The following EDNRA variants were observed in gnomAD, a reference collection of about 807,000 sequenced individuals.
EDNRA encodes the protein endothelin receptor type A.
Under a neutral mutation model 41.4 loss-of-function variants are expected in EDNRA, and 11 were observed. The ratio of observed to expected loss-of-function variants is 0.27; its 90% CI spans 0.17 to 0.44. The LOEUF (loss-of-function observed/expected upper bound fraction) is 0.44. Among genes scored for constraint, EDNRA ranks in the 20% least tolerant of loss-of-function variants. The pLI is 1.00. For missense variants in EDNRA, 294 were observed against 531.0 expected, an observed-to-expected ratio of 0.55 and a Z score of 4.39; for synonymous variants, 172 against 183.0, an observed-to-expected ratio of 0.94 and a Z score of 0.49.
intron 2 of EDNRA, among the ~76,000 whole-genome samples, chr4:147,509,996 T>C (rs1478177521): frequency 6.6e-6 from 1 of 152,050 alleles, no homozygotes; most frequent in East Asian, 1.9e-4. Flanking sequence ...ACCAAAAAGG[T>C]TGGGGACCGC....
At chr4:147,518,400 G>C (rs950592247) in intron 2 of EDNRA, among the ~76,000 whole-genome samples, 3 of 152,158 alleles carry the variant, frequency 2.0e-5, no homozygotes, top group Non-Finnish European at 4.4e-5. Context: ...GACACCAATC[G>C]AGACTGTTTA....
chr4:147,505,577 G>A (rs1335288050), intron 2 of EDNRA, among the ~76,000 whole-genome samples: 6 of 150,516 alleles, frequency 4.0e-5, no homozygotes, highest in Non-Finnish European at 7.4e-5. Context: ...CCAGGCCTCA[G>A]GCGATCCACC....
chr4:147,489,970 A>C (rs1199542394), intron 2 of EDNRA: 1 of 152,140 alleles, frequency 6.6e-6, no homozygotes, highest in African/African-American at 2.4e-5. Context: ...CAAGGAACAT[A>C]CTTTGCCCTA....
chr4:147,525,064 TA>T (rs2126459352), intron 3 of EDNRA, among the ~76,000 whole-genome samples: 1 of 152,310 alleles, frequency 6.6e-6, no homozygotes, highest in South Asian at 2.1e-4. Context: ...CACAGTATTT[TA>T]AAAACATAAT....
intron 2 of EDNRA, among the ~76,000 whole-genome samples, chr4:147,487,614 T>C (rs900584536): frequency 6.6e-6 from 1 of 152,208 alleles, no homozygotes; most frequent in Non-Finnish European, 1.5e-5. Flanking sequence ...ATAAGTACAC[T>C]TAAGCTGTGG....
chr4:147,501,225 G>A (rs1041600225), intron 2 of EDNRA, among the ~76,000 whole-genome samples: 5 of 152,166 alleles, frequency 3.3e-5, no homozygotes, highest in African/African-American at 1.2e-4. Flanking sequence ...AAGTGCCTGA[G>A]GGCTCAATAT....
chr4:147,537,995 T>C (rs972392492), intron 5 of EDNRA, among the ~76,000 whole-genome samples: 2 of 152,132 alleles, frequency 1.3e-5, no homozygotes, highest in Admixed American at 6.5e-5. Context: ...GTCTCTAATT[T>C]CTCCTCATCA....
intron 7 of EDNRA, among the ~76,000 whole-genome samples, chr4:147,542,214 C>CTCT (rs751255600): frequency 1.3e-5 from 2 of 152,194 alleles, no homozygotes; most frequent in East Asian, 3.8e-4. Flanking sequence ...AGAGCCCTTC[C>CTCT]TCTCACCTAC....
Position 147,519,533 on chromosome 4 carries a change from C to G in EDNRA, c.421-318C>G, listed in dbSNP as rs1354609112. 1.3e-5 allele frequency among the ~76,000 whole-genome samples: 2 copies of G among 148,786 alleles called. No homozygotes were observed. Among genetic ancestry groups the G allele is most frequent in the East Asian group, 3.9e-4 (2 of 5,158 alleles). On this transcript the variant is annotated intron_variant, in intron 2 of 7. Coordinates refer to ENST00000651419, the MANE Select transcript of EDNRA (RefSeq NM_001957.4). The surrounding 1 kb of genome is among the most constrained non-coding windows in gnomAD (Gnocchi z 4.1). ...TCTGTTATTAAATTGTATTATATAACTATAATATATTTAATATATATGTAT... is the reference window on the plus strand; with the variant it reads ...TCTGTTATTAAATTGTATTATATAAGTATAATATATTTAATATATATGTAT...
intron 2 of EDNRA, among the ~76,000 whole-genome samples, chr4:147,510,210 T>C (rs1437541576): frequency 6.6e-6 from 1 of 152,170 alleles, no homozygotes; most frequent in Non-Finnish European, 1.5e-5. Context: ...AATAGAACAC[T>C]GGTCCTAATC....
chr4:147,483,746 G>T (rs1404957185), intron 1 of EDNRA, among the ~76,000 whole-genome samples: 1 of 148,158 alleles, frequency 6.7e-6, no homozygotes, highest in African/African-American at 2.5e-5. Context: ...TTGAGACAGG[G>T]TCTCACTCTG....
intron 2 of EDNRA, among the ~76,000 whole-genome samples, chr4:147,496,612 C>T (rs1328784165): frequency 3.9e-5 from 6 of 152,218 alleles, no homozygotes; most frequent in Non-Finnish European, 8.8e-5. Flanking sequence ...AAGCCACTCA[C>T]TTTCCTGACT....
intron 7 of EDNRA, 26 bp from the exon 8 acceptor site, chr4:147,542,452 T>A: frequency 1.2e-6 from 2 of 1,613,776 alleles, no homozygotes. Flanking sequence ...AGGCTCGCCT[T>A]ACTTCGAGTC....
intron 2 of EDNRA, among the ~76,000 whole-genome samples, chr4:147,517,723 C>T (rs1730164385): frequency 6.6e-6 from 1 of 152,184 alleles, no homozygotes; most frequent in African/African-American, 2.4e-5. Flanking sequence ...AAGACAATTC[C>T]ATGATCTTTT....
At chr4:147,517,447 G>A (rs1730153424) in intron 2 of EDNRA, among the ~76,000 whole-genome samples, 1 of 152,192 alleles carries the variant, frequency 6.6e-6, no homozygotes, top group Non-Finnish European at 1.5e-5. Flanking sequence ...CATGGAACCA[G>A]AGAGGAAAAG....
intron 2 of EDNRA, among the ~76,000 whole-genome samples, chr4:147,509,919 C>T (rs1012309331): frequency 1.3e-5 from 2 of 151,916 alleles, no homozygotes; most frequent in Non-Finnish European, 2.9e-5. Context: ...TTGAGTCATC[C>T]CAAAACCATC....
intron 3 of EDNRA, among the ~76,000 whole-genome samples, chr4:147,532,009 C>T (rs532727713): frequency 8.7e-6 from 1 of 115,566 alleles, no homozygotes; most frequent in Non-Finnish European, 1.7e-5. Flanking sequence ...CAGAACAAGA[C>T]TCAGTCTCAA....
rs74816938 is a variant in EDNRA, at chr4:147,501,083, T to G, written c.420+14982T>G. ...TTGCAGTAGCTCCAGTGAACCCTCA[T>G]GAAGTGATAAACATTTAGTTTATTT... On this transcript the variant is annotated intron_variant, in intron 2 of 7. Coordinates refer to ENST00000651419, the MANE Select transcript of EDNRA (RefSeq NM_001957.4). Among the ~76,000 whole-genome samples the G allele has an allele frequency of 3.6e-3, 544 of 152,288 alleles. 1 individual carries two copies. Among genetic ancestry groups the G allele is most frequent in the Non-Finnish European group, 6.3e-3 (431 of 68,012 alleles).
chr4:147,515,211 G>T (rs1730074172), intron 2 of EDNRA, among the ~76,000 whole-genome samples: 1 of 152,148 alleles, frequency 6.6e-6, no homozygotes, highest in Non-Finnish European at 1.5e-5. Flanking sequence ...GTGATATTTG[G>T]GTGGGGGGAT....
Sources: allele counts gnomAD v4.1 joint callset (sites outside exome capture counted in the v4.1 genomes callset), GRCh38; gene constraint gnomAD v4.1.1; non-coding constraint Gnocchi (gnomAD v3.1); transcripts MANE v1.5; gene names NCBI Gene and HGNC (gene_info 2026-07-23, HGNC 2026-07-21).